OR4K13: variants seen among roughly 807,000 people sequenced by gnomAD.
OR4K13 encodes the protein olfactory receptor 4K13.
For missense variants in OR4K13, 403 were observed against 366.0 expected, an observed-to-expected ratio of 1.10 and a Z score of -0.82; for synonymous variants, 160 against 134.8, an observed-to-expected ratio of 1.19 and a Z score of -1.30.
chr14:20,033,836 C>A lies in OR4K13; in HGVS notation c.*8G>T. ...TCAAAAGTCTCATCTAAAAAGTATG[C>A]TTTAAATTTATATGCAGAGTCTTTT... On this transcript the variant is annotated 3_prime_UTR_variant, in exon 2 of 2. Coordinates refer to ENST00000641904, the MANE Select transcript of OR4K13 (RefSeq NM_001004714.2). 1 of 1,361,798 alleles carries A rather than the reference C, an allele frequency of 7.3e-7. No homozygotes were observed. The allele number at this position is 1,361,798 out of a possible 1,614,324, so 84.4% of individuals were successfully genotyped here.
Position 20,033,914 on chromosome 14 carries a change from A to T in OR4K13, c.845T>A (p.Leu282Ter). 6.3e-7 allele frequency: 1 copy of T among 1,594,350 alleles called. No homozygotes were observed. Among genetic ancestry groups the T allele is most frequent in the Non-Finnish European group, 8.6e-7 (1 of 1,162,260 alleles). The change falls in exon 2 of 2, where the codon TTA becomes TAA. Residue 282 changes from leucine to a stop codon, truncating the protein, a stop_gained. Transcript: ENST00000641904. LOFTEE classifies it low-confidence loss of function (END_TRUNC). ...TCTTAATGTATAAATAATAGGATTT[A>T]AGAGAGGTGTGAAAATTGTGTAAAA... Reference protein sequence around the residue: ...SVFYTIFTPLLNPIIYTLRNQ... With the variant: ...SVFYTIFTPL
In OR4K13 at chr14:20,033,699, T is replaced by C. The variant is rs954452611; in HGVS notation, c.*145A>G. ...CACAAGTTATAGTGGTTTTTGCCATTACTTTAATTTTGTCATTTACTTTAA... is the reference window on the plus strand; with the variant it reads ...CACAAGTTATAGTGGTTTTTGCCATCACTTTAATTTTGTCATTTACTTTAA... On this transcript the variant is annotated 3_prime_UTR_variant, in exon 2 of 2. Transcript: ENST00000641904. The C allele has an allele frequency of 3.6e-6, 2 of 555,192 alleles. No individual in the cohort carries two copies. The highest frequency in any genetic ancestry group is 3.8e-5 in the African/African-American group (2 of 53,096). 34.4% of individuals were successfully genotyped at this position (555,192 alleles called of 1,614,324 possible).
Position 20,029,512 on chromosome 14 carries a change from T to A in OR4K13, c.*4332A>T, listed in dbSNP as rs955199153. The A allele has an allele frequency of 6.6e-6, 1 of 152,194 alleles. No individual in the cohort carries two copies. Among genetic ancestry groups the A allele is most frequent in the Non-Finnish European group, 1.5e-5 (1 of 68,052 alleles). The allele number at this position is 152,194 out of a possible 1,614,324, so 9.4% of individuals were successfully genotyped here. On this transcript the variant is annotated 3_prime_UTR_variant, in exon 2 of 2. Transcript: ENST00000641904. ...GGTTAATGCAGTTATAAAGATATAG[T>A]GTTCATATTATTTGGTAAAATCACA...
At position 20,031,281 on chromosome 14, in the gene OR4K13, C is replaced by T. The variant is rs1877412382; in HGVS notation, c.*2563G>A. ...AGAAGGAGAGCAAGTGAATGGCAGG[C>T]AGAAGGAGGGCGGTGCCTCTACTGG... On this transcript the variant is annotated 3_prime_UTR_variant, in exon 2 of 2. Transcript: ENST00000641904. 1 of 152,098 alleles carries T rather than the reference C, an allele frequency of 6.6e-6. No individual in the cohort carries two copies. The highest frequency in any genetic ancestry group is 2.4e-5 in the African/African-American group (1 of 41,404). 9.4% of individuals were successfully genotyped at this position (152,098 alleles called of 1,614,324 possible).
Position 20,034,958 on chromosome 14 carries a change from C to T in OR4K13, c.-200G>A. On this transcript the variant is annotated 5_prime_UTR_variant, in exon 2 of 2. An upstream open reading frame in the 5' UTR loses its in-frame stop. Transcript: ENST00000641904. Reference sequence around the variant, plus strand: ...GGCCCAGAGAAGTATCCCAAATAGTCAGTAGAATTCAGAATATAAGTTTCT... The same window carrying T: ...GGCCCAGAGAAGTATCCCAAATAGTTAGTAGAATTCAGAATATAAGTTTCT... The T allele has an allele frequency of 1.9e-6, 1 of 536,444 alleles. No homozygotes were observed. Among genetic ancestry groups the T allele is most frequent in the Non-Finnish European group, 3.3e-6 (1 of 304,400 alleles). The allele number at this position is 536,444 out of a possible 1,614,324, so 33.2% of individuals were successfully genotyped here. A position where few individuals can be genotyped will look rare whatever the true frequency, so the allele number is the denominator to read the frequency against.
Position 20,033,920 on chromosome 14 carries a change from G to A in OR4K13, c.839C>T (p.Pro280Leu). The A allele has an allele frequency of 6.3e-7, 1 of 1,597,030 alleles. No individual in the cohort carries two copies. The highest frequency in any genetic ancestry group is 1.1e-5 in the South Asian group (1 of 90,634). Residue 280 changes from proline to leucine, a missense_variant, in exon 2 of 2, where the codon CCT (proline) becomes CTT (leucine). Transcript: ENST00000641904. The part of the protein sequence containing the change: ...ILSVFYTIFT[P>L]LLNPIIYTLR... Reference sequence around the variant, plus strand: ...TGTATAAATAATAGGATTTAAGAGAGGTGTGAAAATTGTGTAAAACACAGA... The same window carrying A: ...TGTATAAATAATAGGATTTAAGAGAAGTGTGAAAATTGTGTAAAACACAGA...
chr14:20,034,384 G>A lies in OR4K13; in HGVS notation c.375C>T (p.Ala125=). 6.2e-7 allele frequency: 1 copy of A among 1,613,940 alleles called. No individual in the cohort carries two copies. The highest frequency in any genetic ancestry group is 8.5e-7 in the Non-Finnish European group (1 of 1,180,008). The change falls in exon 2 of 2, where the codon GCC becomes GCT. Residue 125 remains alanine (A), a synonymous_variant. Transcript: ENST00000641904. ...TCATGTAATGGAGGGGTTTGCATAT[G>A]GCAACATACCTGTCTATTGCCATGG... ...LVAMAIDRYV[A]ICKPLHYMTI... is the part of the protein sequence containing the mutation.
chr14:20,035,024 A>G, intron 1 of OR4K13, 43 bp from the exon 2 acceptor site: 1 of 373,492 alleles, frequency 2.7e-6, no homozygotes, highest in South Asian at 3.8e-5. Flanking sequence ...ATGAAACCAC[A>G]AAACTATAGG....
At position 20,030,549 on chromosome 14, in the gene OR4K13, T is replaced by A. The variant is rs957537893; in HGVS notation, c.*3295A>T. ...CCCTTGTGAGTCCTGAACAAATTCA[T>A]AGGTAGAATTGTGAATAGGAAGAGA... On this transcript the variant is annotated 3_prime_UTR_variant, in exon 2 of 2. Transcript: ENST00000641904. 3 of 152,154 alleles carry A rather than the reference T, an allele frequency of 2.0e-5. No homozygotes were observed. The highest frequency in any genetic ancestry group is 6.5e-5 in the Admixed American group (1 of 15,278). The allele number at this position is 152,154 out of a possible 1,614,324, so 9.4% of individuals were successfully genotyped here.
Position 20,029,917 on chromosome 14 carries a change from C to G in OR4K13, c.*3927G>C, listed in dbSNP as rs1279116490. 6.7e-6 allele frequency: 1 copy of G among 148,514 alleles called. No homozygotes were observed. The highest frequency in any genetic ancestry group is 2.4e-5 in the African/African-American group (1 of 40,958). 9.2% of individuals were successfully genotyped at this position (148,514 alleles called of 1,614,324 possible). A position where few individuals can be genotyped will look rare whatever the true frequency, so the allele number is the denominator to read the frequency against. ...ACAGCCTGGGTGACAGGGCAAGACT[C>G]CATCTCAAAAAAACAAATAAAATAA... is the stretch of plus-strand genomic sequence containing the variant. On this transcript the variant is annotated 3_prime_UTR_variant, in exon 2 of 2. Transcript: ENST00000641904.
rs922016575 is a variant in OR4K13, at chr14:20,031,895, G to T, written c.*1949C>A. ...AGCAATTTTATTCAAATGCAAGCAG[G>T]TGGGGGATGGCCAGGCTCATGCCTT... On this transcript the variant is annotated 3_prime_UTR_variant, in exon 2 of 2. Transcript: ENST00000641904. 8.5e-5 allele frequency: 13 copies of T among 152,146 alleles called. No individual in the cohort carries two copies. The highest frequency in any genetic ancestry group is 3.1e-4 in the African/African-American group (13 of 41,506). 9.4% of individuals were successfully genotyped at this position (152,146 alleles called of 1,614,324 possible). A position where few individuals can be genotyped will look rare whatever the true frequency, so the allele number is the denominator to read the frequency against.
rs1173846246 is a variant in OR4K13, at chr14:20,029,404, A to C, written c.*4440T>G. 6.6e-6 allele frequency: 1 copy of C among 152,134 alleles called. No individual in the cohort carries two copies. The highest frequency in any genetic ancestry group is 1.5e-5 in the Non-Finnish European group (1 of 68,020). The allele number at this position is 152,134 out of a possible 1,614,324, so 9.4% of individuals were successfully genotyped here. A position where few individuals can be genotyped will look rare whatever the true frequency, so the allele number is the denominator to read the frequency against. On this transcript the variant is annotated 3_prime_UTR_variant, in exon 2 of 2. Coordinates refer to ENST00000641904, the MANE Select transcript of OR4K13 (RefSeq NM_001004714.2). ...GAAGTCACAAAAGAAGACCCAAATAAGTTAAAAATTAAACCACGTTCTAGG... is the reference window on the plus strand; with the variant it reads ...GAAGTCACAAAAGAAGACCCAAATACGTTAAAAATTAAACCACGTTCTAGG...
rs969643852 is a variant in OR4K13 at position 20,032,888 on chromosome 14, T to G, written c.*956A>C. 2.0e-5 allele frequency: 3 copies of G among 152,226 alleles called. No individual in the cohort carries two copies. The highest frequency in any genetic ancestry group is 7.2e-5 in the African/African-American group (3 of 41,462). 9.4% of individuals were successfully genotyped at this position (152,226 alleles called of 1,614,324 possible). A position where few individuals can be genotyped will look rare whatever the true frequency, so the allele number is the denominator to read the frequency against. The stretch of plus-strand genomic sequence containing the variant: ...TACCTCTCTATCTCATCTCTCAACA[T>G]CATAGCCCATGACCCAGCTCAATGA... On this transcript the variant is annotated 3_prime_UTR_variant, in exon 2 of 2. Coordinates refer to ENST00000641904, the MANE Select transcript of OR4K13 (RefSeq NM_001004714.2).
rs1041883846 is a variant in OR4K13 at position 20,033,102 on chromosome 14, T to A, written c.*742A>T. ...CCTGTCCATCATGTAACAGTGCTGT[T>A]CGTGCCATGGAACAACTGCCAATTT... On this transcript the variant is annotated 3_prime_UTR_variant, in exon 2 of 2. Coordinates refer to ENST00000641904, the MANE Select transcript of OR4K13 (RefSeq NM_001004714.2). The A allele has an allele frequency of 1.3e-5, 2 of 152,328 alleles. No individual in the cohort carries two copies. Among genetic ancestry groups the A allele is most frequent in the African/African-American group, 2.4e-5 (1 of 41,474 alleles). The allele number at this position is 152,328 out of a possible 1,614,324, so 9.4% of individuals were successfully genotyped here. A position where few individuals can be genotyped will look rare whatever the true frequency, so the allele number is the denominator to read the frequency against.
chr14:20,034,598 A>G lies in OR4K13; in HGVS notation c.161T>C (p.Leu54Pro), dbSNP rs113736645. Residue 54 changes from leucine (L) to proline (P), a missense_variant, in exon 2 of 2, where the codon CTC (leucine) becomes CCC (proline). Coordinates refer to ENST00000641904, the MANE Select transcript of OR4K13 (RefSeq NM_001004714.2). ...CAGAAAATACATTGGTGTGTGAAGG[A>G]GCGAATCAAAGGTCACAGTCACCAA... ...LILVTVTFDSLLHTPMYFLLS... is the reference protein window; with the variant it reads ...LILVTVTFDSPLHTPMYFLLS... The G allele has an allele frequency of 6.2e-7, 1 of 1,613,914 alleles. No individual in the cohort carries two copies. Among genetic ancestry groups the G allele is most frequent in the Non-Finnish European group, 8.5e-7 (1 of 1,179,994 alleles).
Position 20,031,597 on chromosome 14 carries a change from G to A in OR4K13, c.*2247C>T, listed in dbSNP as rs1218259928. 1 of 151,998 alleles carries A rather than the reference G, an allele frequency of 6.6e-6. No individual in the cohort carries two copies. Among genetic ancestry groups the A allele is most frequent in the Admixed American group, 6.6e-5 (1 of 15,256 alleles). The allele number at this position is 151,998 out of a possible 1,614,324, so 9.4% of individuals were successfully genotyped here. On this transcript the variant is annotated 3_prime_UTR_variant, in exon 2 of 2. Coordinates refer to ENST00000641904, the MANE Select transcript of OR4K13 (RefSeq NM_001004714.2). The stretch of plus-strand genomic sequence containing the variant: ...TACAAATAATTTATATCACAAATTC[G>A]TGACAATTTGCTCAACAAATTGTCA...
rs1351135182 is a variant in OR4K13 at position 20,033,945 on chromosome 14, A to T, written c.814T>A (p.Ser272Thr). Reference sequence around the variant, plus strand: ...GGTGTGAAAATTGTGTAAAACACAGAAAGAATTTTATCTACCGAGTATCTG... The same window carrying T: ...GGTGTGAAAATTGTGTAAAACACAGTAAGAATTTTATCTACCGAGTATCTG... ...FSRYSVDKIL[S>T]VFYTIFTPLL... Residue 272 changes from serine to threonine, a missense_variant, in exon 2 of 2, where the codon TCT becomes ACT. By Grantham distance (58) the Ser-to-Thr change is moderately conservative (BLOSUM62 1). Transcript: ENST00000641904. 1.2e-6 allele frequency: 2 copies of T among 1,612,190 alleles called. No homozygotes were observed. Among genetic ancestry groups the T allele is most frequent in the Non-Finnish European group, 8.5e-7 (1 of 1,178,412 alleles).
chr14:20,033,593 T>C lies in OR4K13; in HGVS notation c.*251A>G, dbSNP rs1877474677. 1 of 302,992 alleles carries C rather than the reference T, an allele frequency of 3.3e-6. No homozygotes were observed. The highest frequency in any genetic ancestry group is 6.2e-6 in the Non-Finnish European group (1 of 161,710). 18.8% of individuals were successfully genotyped at this position (302,992 alleles called of 1,614,324 possible). On this transcript the variant is annotated 3_prime_UTR_variant, in exon 2 of 2. Coordinates refer to ENST00000641904, the MANE Select transcript of OR4K13 (RefSeq NM_001004714.2). ...ACTGTAGATATTATGTGTTTGACCA[T>C]AAAAGATCACAAAAAGGTGTTTGCT...
chr14:20,034,154 T>A lies in OR4K13; in HGVS notation c.605A>T (p.Asp202Val). Residue 202 changes from aspartate (D) to valine (V), a missense_variant, in exon 2 of 2, where the codon GAC (aspartate) becomes GTC (valine). Asp to Val is a radical substitution (Grantham distance 152). Transcript: ENST00000641904. ...TYILQLLVIA[D>V]SGLLSLVCFL... ...GCAGACCAGTGACAGGAGCCCACTGTCAGCAATGACCAGGAGCTGTAGGAT... is the reference window on the plus strand; with the variant it reads ...GCAGACCAGTGACAGGAGCCCACTGACAGCAATGACCAGGAGCTGTAGGAT... 6.2e-7 allele frequency: 1 copy of A among 1,614,078 alleles called. No homozygotes were observed. The highest frequency in any genetic ancestry group is 1.1e-5 in the South Asian group (1 of 91,058).
Sources: gnomAD v4.1 joint callset for allele counts on GRCh38, gnomAD v4.1.1 for gene constraint, MANE v1.5 for transcripts, NCBI Gene and HGNC (gene_info 2026-07-23, HGNC 2026-07-21) for gene names.